ACSL1: variants seen among roughly 807,000 people sequenced by gnomAD.
The protein encoded by ACSL1 is acyl-CoA synthetase long chain family member 1, also known as long-chain-fatty-acid--CoA ligase 1.
Under a neutral mutation model 98.4 loss-of-function variants are expected in ACSL1, and 41 were observed. That is an observed-to-expected ratio of 0.42 (90% CI 0.32 to 0.54). The LOEUF (loss-of-function observed/expected upper bound fraction) is 0.54. Ranked by LOEUF, ACSL1 falls within the 20% of genes least tolerant of loss-of-function variation. The pLI is 0.13. For synonymous variants in ACSL1, 316 were observed against 322.7 expected (o/e 0.98, Z 0.22); for missense variants, 734 against 883.1 (o/e 0.83, Z 2.14).
At chr4:184,794,584 C>G (rs566085318) in intron 2 of ACSL1, among the ~76,000 whole-genome samples, 43 of 152,322 alleles carry the variant, frequency 2.8e-4, no homozygotes, top group African/African-American at 9.6e-4. Context: ...CTGCTAAAGG[C>G]CAGCCCCTCT....
chr4:184,795,689 A>G (rs2150406665), intron 2 of ACSL1, among the ~76,000 whole-genome samples: 1 of 152,328 alleles, frequency 6.6e-6, no homozygotes, highest in South Asian at 2.1e-4. Context: ...CACCTAATTC[A>G]GCCACCTAAA....
chr4:184,782,743 G>T (rs532761201), intron 4 of ACSL1, among the ~76,000 whole-genome samples: 157 of 152,320 alleles, frequency 1.0e-3, no homozygotes, highest in African/African-American at 3.6e-3. Context: ...CAGGGGAGGT[G>T]TGAGAAGTTG....
At chr4:184,758,081 C>A in intron 18 of ACSL1, 161 bp from the exon 19 acceptor site, 1 of 642,332 alleles carries the variant, frequency 1.6e-6, no homozygotes, top group Non-Finnish European at 2.6e-6. Context: ...TTCACTCAGC[C>A]CAGATTAAGA....
rs758446008 is a variant in ACSL1 at position 184,776,603 on chromosome 4, C to T, written c.637G>A (p.Val213Ile). Residue 213 changes from valine (V) to isoleucine (I), a missense_variant, in exon 7 of 21, where the codon GTA becomes ATA. By Grantham distance (29) the Val-to-Ile change is conservative. Coordinates refer to ENST00000281455, the MANE Select transcript of ACSL1 (RefSeq NM_001995.5). Reference sequence around the variant, plus strand: ...AGGCCTGGTATTAACTTATTTTCTACACCCTCTAATAAGAGTTTGGCCTTC... The same window carrying T: ...AGGCCTGGTATTAACTTATTTTCTATACCCTCTAATAAGAGTTTGGCCTTC... ...PEKAKLLLEG[V>I]ENKLIPGLKI... 5 of 1,614,022 alleles carry T rather than the reference C, an allele frequency of 3.1e-6. No homozygotes were observed. The highest frequency in any genetic ancestry group is 1.1e-5 in the South Asian group (1 of 91,082).
At chr4:184,764,627 C>G (rs936375815) in intron 15 of ACSL1, among the ~76,000 whole-genome samples, 37 of 152,158 alleles carry the variant, frequency 2.4e-4, no homozygotes, top group Admixed American at 2.3e-3. Flanking sequence ...TCTGCTGCCA[C>G]CAGCTTTACA....
At chr4:184,802,883 C>T (rs1051057443) in intron 2 of ACSL1, among the ~76,000 whole-genome samples, 2 of 152,212 alleles carry the variant, frequency 1.3e-5, no homozygotes, top group Non-Finnish European at 2.9e-5. Flanking sequence ...CCCAAAGTCC[C>T]TTCCAACAGG....
intron 5 of ACSL1, 45 bp downstream of exon 5, chr4:184,780,287 G>T: frequency 6.6e-7 from 1 of 1,513,052 alleles, no homozygotes. Flanking sequence ...TCTTATATCT[G>T]AGAATTCTCA....
At chr4:184,822,902 C>T (rs1773179322) in intron 1 of ACSL1, among the ~76,000 whole-genome samples, 1 of 152,188 alleles carries the variant, frequency 6.6e-6, no homozygotes, top group African/African-American at 2.4e-5. Context: ...TGTAAAATGA[C>T]AATCTTAGAG....
At chr4:184,772,888 AG>A (rs1250094055) in intron 10 of ACSL1, among the ~76,000 whole-genome samples, 192 bp downstream of exon 10, 1 of 152,186 alleles carries the variant, frequency 6.6e-6, no homozygotes, top group Non-Finnish European at 1.5e-5. Flanking sequence ...TCATAAGGCA[AG>A]GGTTGGCGAT....
chr4:184,765,941 G>C lies in ACSL1; in HGVS notation c.1309C>G (p.Pro437Ala). 1 of 1,614,030 alleles carries C rather than the reference G, an allele frequency of 6.2e-7. No homozygotes were observed. Among genetic ancestry groups the C allele is most frequent in the South Asian group, 1.1e-5 (1 of 91,082 alleles). ...AACGTCAGCACAGTGGCAGACACCG[G>C]GGCGGCTCCTGTCACCATCAGCCGG... ...RVRLMVTGAAPVSATVLTFLR... is the reference protein window; with the variant it reads ...RVRLMVTGAAAVSATVLTFLR... Residue 437 changes from proline to alanine, a missense_variant, in exon 14 of 21, where the codon CCG (proline) becomes GCG (alanine). Coordinates refer to ENST00000281455, the MANE Select transcript of ACSL1 (RefSeq NM_001995.5).
chr4:184,786,418 GCACACACACACACACACACA>G (rs61564967), intron 3 of ACSL1, among the ~76,000 whole-genome samples: 1 of 138,844 alleles, frequency 7.2e-6, no homozygotes, highest in Non-Finnish European at 1.6e-5. Context: ...TGGTGGCAAA[GCACACACACACACACACACA>G]CACACACACA....
chr4:184,826,027 C>A, upstream of ACSL1: 1 of 148,276 alleles, frequency 6.7e-6, no homozygotes, highest in South Asian at 2.0e-4. Flanking sequence ...CCTCGGCCCG[C>A]TGGTTGCGCC....
chr4:184,776,222 G>A (rs148657846), intron 7 of ACSL1, among the ~76,000 whole-genome samples: 41 of 152,322 alleles, frequency 2.7e-4, no homozygotes, highest in East Asian at 9.6e-4. Context: ...TGGCATTTCC[G>A]GGCACAGCTT....
intron 1 of ACSL1, among the ~76,000 whole-genome samples, chr4:184,814,723 C>T (rs1364417745): frequency 6.6e-6 from 1 of 152,138 alleles, no homozygotes; most frequent in Non-Finnish European, 1.5e-5. Flanking sequence ...TTCCCACCTG[C>T]TCCACGAAGG....
chr4:184,768,429 C>T lies in ACSL1; in HGVS notation c.1015G>A (p.Ala339Thr). 6.2e-7 allele frequency: 1 copy of T among 1,613,710 alleles called. No homozygotes were observed. The highest frequency in any genetic ancestry group is 8.5e-7 in the Non-Finnish European group (1 of 1,179,912). ...TCTCCTTGGAAAAATCCGATTTTAG[C>T]TCCATGACACAGCATTACACACTAT... ...VVECVMLCHG[A>T]KIGFFQGDIR... Residue 339 changes from alanine to threonine, a missense_variant, in exon 12 of 21, where the codon GCT becomes ACT. Physicochemically the swap from Ala to Thr is moderately conservative, Grantham distance 58 (BLOSUM62 0). Transcript: ENST00000281455.
intron 17 of ACSL1, among the ~76,000 whole-genome samples, chr4:184,762,051 C>G (rs771445937): frequency 6.6e-6 from 1 of 151,368 alleles, no homozygotes; most frequent in Non-Finnish European, 1.5e-5. Context: ...CACTTGAACC[C>G]GAGAGGTGGA....
chr4:184,799,922 G>A (rs1423057431), intron 2 of ACSL1, among the ~76,000 whole-genome samples: 1 of 152,054 alleles, frequency 6.6e-6, no homozygotes, highest in Non-Finnish European at 1.5e-5. Flanking sequence ...ATATTGATCT[G>A]GACAGATCCA....
In ACSL1 at chr4:184,766,384, G is replaced by A. The variant is rs1335165095; in HGVS notation, c.1263+238C>T. Among the ~76,000 whole-genome samples, 1 of 152,174 alleles carries A rather than the reference G, an allele frequency of 6.6e-6. No homozygotes were observed. On this transcript the variant is annotated intron_variant, in intron 13 of 20. Coordinates refer to ENST00000281455, the MANE Select transcript of ACSL1 (RefSeq NM_001995.5). The surrounding 1 kb of genome is among the most constrained non-coding windows in gnomAD (Gnocchi z 4.8). ...GGAAAAACGCAACAAAATGGAGAAT[G>A]AGAAAGGCTCCACTACCCTGACTCC...
Position 184,803,593 on chromosome 4 carries a change from C to A in ACSL1, c.-32-47G>T. The A allele has an allele frequency of 7.6e-7, 1 of 1,315,094 alleles. No homozygotes were observed. Among genetic ancestry groups the A allele is most frequent in the East Asian group, 2.7e-5 (1 of 36,642 alleles). 81.5% of individuals were successfully genotyped at this position (1,315,094 alleles called of 1,614,324 possible). A position where few individuals can be genotyped will look rare whatever the true frequency, so the allele number is the denominator to read the frequency against. On this transcript the variant is annotated intron_variant, in intron 1 of 20. Coordinates refer to ENST00000281455, the MANE Select transcript of ACSL1 (RefSeq NM_001995.5). The surrounding 1 kb of genome is among the most constrained non-coding windows in gnomAD (Gnocchi z 4.8). ...ACGTTCGTTCCAGGGAAGCAGGACCCCTCTCCAGAACTCCAAAATTCCACC... is the reference window on the plus strand; with the variant it reads ...ACGTTCGTTCCAGGGAAGCAGGACCACTCTCCAGAACTCCAAAATTCCACC...
Sources: allele counts gnomAD v4.1 joint callset (sites outside exome capture counted in the v4.1 genomes callset), GRCh38; gene constraint gnomAD v4.1.1; non-coding constraint Gnocchi (gnomAD v3.1); transcripts MANE v1.5; gene names NCBI Gene and HGNC (gene_info 2026-07-23, HGNC 2026-07-21).